STARD6: variants seen among roughly 807,000 people sequenced by gnomAD.
STARD6 encodes StAR related lipid transfer domain containing 6.
STARD6 carries 21 observed loss-of-function variants against 22.3 expected under a neutral mutation model. The observed-to-expected ratio is 0.94, with a 90% CI of 0.67 to 1.35. The LOEUF (loss-of-function observed/expected upper bound fraction) is 1.35. Among genes scored for constraint, STARD6 ranks in the 40% most tolerant of loss-of-function variants. STARD6 has a pLI of 0.00. For synonymous variants in STARD6, 80 were observed against 88.1 expected (o/e 0.91, Z 0.52); for missense variants, 269 against 266.9 (o/e 1.01, Z -0.05).
rs60888927 is a variant in STARD6 at position 54,351,899 on chromosome 18, GTTTT to G, written c.140+2151_140+2154del. 2.2e-3 allele frequency among the ~76,000 whole-genome samples: 155 copies of G among 70,632 alleles called. 1 individual carries two copies. Among genetic ancestry groups the G allele is most frequent in the Middle Eastern group, 0.01 (1 of 96 alleles). 46.3% of individuals were successfully genotyped at this position (70,632 alleles called of 152,430 possible). On this transcript the variant is annotated intron_variant, in intron 4 of 7. Transcript: ENST00000307844. Reference sequence around the variant, plus strand: ...TTGTGTTAATCAGGGATATTGGTCCGTTTTTTTTTTTTTTTTTTTTTTAATGTCC... The same window carrying G: ...TTGTGTTAATCAGGGATATTGGTCCGTTTTTTTTTTTTTTTTTTAATGTCC...
intron 4 of STARD6, among the ~76,000 whole-genome samples, chr18:54,351,898 C>CTTT (rs1568174614): frequency 1.3e-4 from 8 of 61,552 alleles, no homozygotes; most frequent in African/African-American, 7.9e-4. Context: ...GATATTGGTC[C>CTTT]GTTTTTTTTT....
intron 4 of STARD6, among the ~76,000 whole-genome samples, chr18:54,342,243 T>C (rs2088975445): frequency 6.6e-6 from 1 of 151,968 alleles, no homozygotes; most frequent in Non-Finnish European, 1.5e-5. Flanking sequence ...ATCCAAATAA[T>C]CCCCACAAAA....
chr18:54,331,246 C>G (rs2088862210), intron 6 of STARD6, among the ~76,000 whole-genome samples: 1 of 151,990 alleles, frequency 6.6e-6, no homozygotes, highest in Admixed American at 6.6e-5. Flanking sequence ...AATGATTACA[C>G]ATTTGCATTT....
intron 5 of STARD6, among the ~76,000 whole-genome samples, chr18:54,334,151 C>T (rs1238478388): frequency 6.6e-6 from 1 of 152,206 alleles, no homozygotes; most frequent in African/African-American, 2.4e-5. Context: ...TCTCTCCCTG[C>T]ATCAGTAAGC....
chr18:54,353,120 AT>A (rs2089112815), intron 4 of STARD6, among the ~76,000 whole-genome samples: 1 of 152,204 alleles, frequency 6.6e-6, no homozygotes, highest in Non-Finnish European at 1.5e-5. Flanking sequence ...ATATAGGTAA[AT>A]TTTATTGAAA....
intron 2 of STARD6, among the ~76,000 whole-genome samples, chr18:54,355,124 T>A (rs184962871): frequency 3.0e-4 from 45 of 152,254 alleles, no homozygotes; most frequent in Admixed American, 5.9e-4. Context: ...CAAATATACC[T>A]CCTACCAGTC....
chr18:54,353,832 G>C (rs553515613), intron 4 of STARD6: 78 of 339,044 alleles, frequency 2.3e-4, no homozygotes, highest in African/African-American at 1.5e-3. Flanking sequence ...TTAGTAATTA[G>C]AAGAGATTTT....
In STARD6 at chr18:54,331,829, T is replaced by C; in HGVS notation, c.298A>G (p.Ser100Gly). Reference sequence around the variant, plus strand: ...GGGGAAATGGAGCCCACGGCAAAACTTTGTGTAATGGTATGACATATGAAT... The same window carrying C: ...GGGGAAATGGAGCCCACGGCAAAACCTTGTGTAATGGTATGACATATGAAT... ...DTFICHTITQ[S>G]FAVGSISPRD... The change falls in exon 6 of 8, where the codon AGT becomes GGT. Residue 100 changes from serine to glycine, a missense_variant. By Grantham distance (56) the Ser-to-Gly change is moderately conservative (BLOSUM62 0). Coordinates refer to ENST00000307844, the MANE Select transcript of STARD6 (RefSeq NM_139171.2). 6.2e-7 allele frequency: 1 copy of C among 1,612,826 alleles called. No homozygotes were observed. The highest frequency in any genetic ancestry group is 8.5e-7 in the Non-Finnish European group (1 of 1,179,090).
At chr18:54,325,110 G>A (rs2088813196) in intron 7 of STARD6, among the ~76,000 whole-genome samples, 1 of 151,762 alleles carries the variant, frequency 6.6e-6, no homozygotes, top group Non-Finnish European at 1.5e-5. Flanking sequence ...TGCTTATTAT[G>A]AAAATTTAAA....
intron 5 of STARD6, among the ~76,000 whole-genome samples, chr18:54,334,132 T>C (rs574604371): frequency 4.6e-5 from 7 of 152,356 alleles, no homozygotes; most frequent in African/African-American, 1.2e-4. Flanking sequence ...AGAAGACTTA[T>C]CTGATTCCTC....
intron 4 of STARD6, among the ~76,000 whole-genome samples, chr18:54,350,917 G>C (rs2089090232): frequency 6.6e-6 from 1 of 152,056 alleles, no homozygotes; most frequent in Admixed American, 6.6e-5. Flanking sequence ...GGGTAATGTG[G>C]TGCCTCCAGA....
intron 4 of STARD6, among the ~76,000 whole-genome samples, chr18:54,344,583 T>TAAAAAAAAAAAAAAAAAAAAA (rs55736082): frequency 7.4e-5 from 7 of 94,078 alleles, no homozygotes; most frequent in Admixed American, 1.1e-4. Flanking sequence ...AAAAATAAAT[T>TAAAAAAAAAAAAAAAAAAAAA]AAAAAAAAAA....
intron 4 of STARD6, among the ~76,000 whole-genome samples, chr18:54,342,474 C>G (rs532891716): frequency 2.4e-5 from 3 of 123,398 alleles, no homozygotes; most frequent in Non-Finnish European, 5.0e-5. Context: ...CCTCCCTCTC[C>G]GTCTCCGTCT....
chr18:54,340,341 G>A (rs1260691104), intron 4 of STARD6, among the ~76,000 whole-genome samples: 2 of 152,100 alleles, frequency 1.3e-5, no homozygotes, highest in Non-Finnish European at 2.9e-5. Context: ...TACATCTGCA[G>A]TAGATTCTGA....
chr18:54,335,515 G>A (rs1428465048), intron 5 of STARD6, among the ~76,000 whole-genome samples: 1 of 151,962 alleles, frequency 6.6e-6, no homozygotes, highest in Non-Finnish European at 1.5e-5. Flanking sequence ...TTTTTATCAT[G>A]GCCTTAATAC....
At chr18:54,336,625 C>A (rs1172723194) in intron 5 of STARD6, among the ~76,000 whole-genome samples, 1 of 152,174 alleles carries the variant, frequency 6.6e-6, no homozygotes, top group Non-Finnish European at 1.5e-5. Context: ...TTCCTGTTCT[C>A]ATGATAGTGA....
At chr18:54,332,280 C>G (rs2088871775) in intron 5 of STARD6, among the ~76,000 whole-genome samples, 1 of 152,004 alleles carries the variant, frequency 6.6e-6, no homozygotes, top group South Asian at 2.1e-4. Flanking sequence ...CATTAAAGAC[C>G]AATGTTGTAT....
At chr18:54,350,381 A>T (rs2089084397) in intron 4 of STARD6, among the ~76,000 whole-genome samples, 1 of 152,016 alleles carries the variant, frequency 6.6e-6, no homozygotes, top group Non-Finnish European at 1.5e-5. Context: ...TCTGGGTATT[A>T]GTCCTTTGCT....
intron 4 of STARD6, among the ~76,000 whole-genome samples, chr18:54,338,515 A>T (rs2088937584): frequency 6.6e-6 from 1 of 152,186 alleles, no homozygotes; most frequent in African/African-American, 2.4e-5. Flanking sequence ...TCACAGAATT[A>T]GTCCAGCCAA....
Sources: allele counts gnomAD v4.1 joint callset (sites outside exome capture counted in the v4.1 genomes callset), GRCh38; gene constraint gnomAD v4.1.1; transcripts MANE v1.5; gene names NCBI Gene and HGNC (gene_info 2026-07-23, HGNC 2026-07-21).